Variants in MTFR1 observed in about 807,000 individuals in gnomAD.
The protein encoded by MTFR1 is mitochondrial fission regulator 1.
MTFR1 carries 28 observed loss-of-function variants against 38.8 expected under a neutral mutation model. The ratio of observed to expected loss-of-function variants is 0.72; its 90% CI spans 0.53 to 0.99. MTFR1 has a LOEUF of 0.99. Among genes scored for constraint, MTFR1 ranks in the 50% least tolerant of loss-of-function variants. MTFR1 has a pLI of 0.00. For missense variants in MTFR1, 358 were observed against 395.5 expected (o/e 0.91, Z 0.81); for synonymous variants, 145 against 137.0 (o/e 1.06, Z -0.41).
At chr8:65,690,080 G>C (rs903499247) in intron 3 of MTFR1, among the ~76,000 whole-genome samples, 1 of 152,064 alleles carries the variant, frequency 6.6e-6, no homozygotes. Context: ...TTTTTTTAAA[G>C]TTTGTGCAAA....
chr8:65,752,386 C>T (rs1808009635), intron 3 of MTFR1, among the ~76,000 whole-genome samples: 1 of 152,148 alleles, frequency 6.6e-6, no homozygotes, highest in South Asian at 2.1e-4. Flanking sequence ...ATATTTCACT[C>T]ATAATATATT....
At chr8:65,673,605 T>TAA (rs111437172) in intron 2 of MTFR1, among the ~76,000 whole-genome samples, 120 of 142,402 alleles carry the variant, frequency 8.4e-4, no homozygotes, top group South Asian at 2.4e-3. Flanking sequence ...AAAGTATAAT[T>TAA]AAAAAAAAAA....
chr8:65,703,911 G>C (rs1805698154), intron 4 of MTFR1, among the ~76,000 whole-genome samples: 1 of 151,978 alleles, frequency 6.6e-6, no homozygotes, highest in East Asian at 1.9e-4. Context: ...TGAATGGTTT[G>C]TTGACTGTCT....
chr8:65,764,295 G>A (rs1808658111), intron 3 of MTFR1, among the ~76,000 whole-genome samples: 1 of 152,182 alleles, frequency 6.6e-6, no homozygotes, highest in African/African-American at 2.4e-5. Flanking sequence ...CGACTGGGAA[G>A]AAATTAAAAT....
chr8:65,744,572 G>A (rs752352779), intron 3 of MTFR1, among the ~76,000 whole-genome samples: 2 of 152,110 alleles, frequency 1.3e-5, no homozygotes, highest in Non-Finnish European at 2.9e-5. Context: ...CCCATACTCT[G>A]TAGATTCTGA....
chr8:65,661,896 G>A (rs1809423407), intron 1 of MTFR1, among the ~76,000 whole-genome samples: 1 of 152,030 alleles, frequency 6.6e-6, no homozygotes, highest in African/African-American at 2.4e-5. Flanking sequence ...CTCGAGAGGT[G>A]GAGAATGCAA....
chr8:65,647,940 C>G (rs540795250), intron 1 of MTFR1, among the ~76,000 whole-genome samples: 13 of 152,214 alleles, frequency 8.5e-5, no homozygotes, highest in Admixed American at 7.9e-4. Flanking sequence ...GTTTGTATTT[C>G]TACTTGTAAA....
intron 2 of MTFR1, chr8:65,719,104 T>TC (rs1402876339): frequency 1.7e-6 from 1 of 596,030 alleles, no homozygotes; most frequent in African/African-American, 1.9e-5. Flanking sequence ...TGCTGTATGT[T>TC]CGGGTCTTGC....
chr8:65,742,675 T>C (rs754333401), intron 3 of MTFR1, among the ~76,000 whole-genome samples: 1 of 152,220 alleles, frequency 6.6e-6, no homozygotes, highest in Non-Finnish European at 1.5e-5. Context: ...TCTCATTATA[T>C]AATATAAGCT....
At chr8:65,734,399 T>C (rs1451852269) in intron 3 of MTFR1, among the ~76,000 whole-genome samples, 2 of 152,216 alleles carry the variant, frequency 1.3e-5, no homozygotes, top group Non-Finnish European at 2.9e-5. Context: ...GCTTTTGGTC[T>C]TGATACGATT....
rs995475037 is a variant in MTFR1, at chr8:65,694,848, A to G, written c.281+1089A>G. ...AATGGAAGGCTGGTATTCCTGGAAG[A>G]GTAAAGAACTTGTTTAAAGGTAAAA... On this transcript the variant is annotated intron_variant, in intron 4 of 7. Transcript: ENST00000262146. Among the ~76,000 whole-genome samples the G allele has an allele frequency of 1.1e-4, 16 of 152,220 alleles. 2 individuals are homozygous for G. The highest frequency in any genetic ancestry group is 9.8e-4 in the Admixed American group (15 of 15,280).
At chr8:65,672,728 GCTT>G (rs1171380408) in intron 2 of MTFR1, among the ~76,000 whole-genome samples, 2 of 152,168 alleles carry the variant, frequency 1.3e-5, no homozygotes, top group Non-Finnish European at 2.9e-5. Flanking sequence ...AGCACTTGAT[GCTT>G]CTTCATCTTG....
chr8:65,733,030 T>G lies in MTFR1; in HGVS notation c.*48+13549T>G, dbSNP rs1351769625. Among the ~76,000 whole-genome samples the G allele has an allele frequency of 2.0e-5, 3 of 152,116 alleles. No homozygotes were observed. The East Asian group carries it at 5.8e-4, about 29-fold the overall frequency. Reference sequence around the variant, plus strand: ...AGTCCTGGGTGACTCCATTTTAAAATGTTCACTATGATAAGGGAGAAGGGA... The same window carrying G: ...AGTCCTGGGTGACTCCATTTTAAAAGGTTCACTATGATAAGGGAGAAGGGA... On this transcript the variant is annotated intron_variant, in intron 3 of 3. Coordinates refer to the MTFR1 transcript ENST00000521247.
chr8:65,766,583 C>T (rs60860867), intron 3 of MTFR1, among the ~76,000 whole-genome samples: 17,889 of 152,204 alleles, frequency 0.12, 1,084 homozygotes, highest in Non-Finnish European at 0.12. Flanking sequence ...TCAGTGTAAA[C>T]CACTCTATGG....
chr8:65,646,326 A>C (rs1354355422), intron 1 of MTFR1, among the ~76,000 whole-genome samples: 1 of 151,864 alleles, frequency 6.6e-6, no homozygotes, highest in African/African-American at 2.4e-5. Flanking sequence ...TCAGAATGCT[A>C]CTCTTGGCCT....
intron 3 of MTFR1, among the ~76,000 whole-genome samples, chr8:65,691,236 C>A (rs1805266685): frequency 6.6e-6 from 1 of 152,080 alleles, no homozygotes; most frequent in African/African-American, 2.4e-5. Context: ...GCCTTTTTAT[C>A]ATAATTTCAT....
At chr8:65,644,936 C>G (rs562785664) in intron 1 of MTFR1, among the ~76,000 whole-genome samples, 152 bp downstream of exon 1, 3 of 152,294 alleles carry the variant, frequency 2.0e-5, no homozygotes, top group South Asian at 2.1e-4. Flanking sequence ...GATCCTGGGC[C>G]GGTTGAGTGT....
chr8:65,682,598 A>G (rs1180677423), intron 3 of MTFR1, 147 bp downstream of exon 3: 1 of 619,746 alleles, frequency 1.6e-6, no homozygotes, highest in East Asian at 4.9e-5. Context: ...TAAAAACCAC[A>G]GTAAAGCCTT....
At chr8:65,719,962 A>G (rs899262974) in intron 3 of MTFR1, among the ~76,000 whole-genome samples, 2 of 152,228 alleles carry the variant, frequency 1.3e-5, no homozygotes, top group Non-Finnish European at 2.9e-5. Flanking sequence ...CAGGGATGGA[A>G]TCTTCATGCC....
Sources: gnomAD v4.1 joint callset for allele counts (sites outside exome capture counted in the v4.1 genomes callset) on GRCh38, gnomAD v4.1.1 for gene constraint, MANE v1.5 for transcripts, NCBI Gene and HGNC (gene_info 2026-07-23, HGNC 2026-07-21) for gene names.